Variants in LDB1 observed in about 807,000 individuals in gnomAD.
LDB1 encodes LIM domain-binding protein 1.
Under a neutral mutation model 49.7 loss-of-function variants are expected in LDB1, and 6 were observed. The ratio of observed to expected loss-of-function variants is 0.12; its 90% confidence interval spans 0.07 to 0.24. The LOEUF (loss-of-function observed/expected upper bound fraction) is 0.24. LDB1 is among the 10% of genes least tolerant of loss of function. The pLI is 1.00. For missense variants in LDB1, 341 were observed against 561.7 expected (o/e 0.61, Z 3.97); for synonymous variants, 233 against 202.0 (o/e 1.15, Z -1.30).
intron 1 of LDB1, among the ~76,000 whole-genome samples, chr10:102,118,973 C>A (rs933305154): frequency 6.6e-6 from 1 of 152,194 alleles, no homozygotes; most frequent in Non-Finnish European, 1.5e-5. Context: ...AGACATCAGC[C>A]TCAGCAGGCA....
Position 102,120,359 on chromosome 10 carries a change from CG to C in LDB1, c.-250del. The C allele has an allele frequency of 1.0e-6, 1 of 984,384 alleles. No homozygotes were observed. The highest frequency in any genetic ancestry group is 4.7e-5 in the South Asian group (1 of 21,278). The allele number at this position is 984,384 out of a possible 1,614,324, so 61.0% of individuals were successfully genotyped here. A position where few individuals can be genotyped will look rare whatever the true frequency, so the allele number is the denominator to read the frequency against. On this transcript the variant is annotated 5_prime_UTR_variant, in exon 1 of 11. Transcript: ENST00000673968. ...GTGTGTGCGCGCGGGTGTGAGTCCG[CG>C]GAGTGTGTGTCCGTGTGTGCGTGTG... is the stretch of plus-strand genomic sequence containing the variant.
At chr10:102,114,812 G>GGGCGGCC in intron 1 of LDB1, 1 of 929,816 alleles carries the variant, frequency 1.1e-6, no homozygotes, top group Non-Finnish European at 1.3e-6. Context: ...CCTCCGAGCA[G>GGGCGGCC]CCCGCCCGCC....
chr10:102,110,146 A>G, intron 6 of LDB1, 103 bp from the exon 7 acceptor site: 1 of 1,301,608 alleles, frequency 7.7e-7, no homozygotes, highest in Non-Finnish European at 1.1e-6. Context: ...CATTGCATAC[A>G]CTTTTGTCAC....
At chr10:102,114,790 T>C (rs2068310885) in intron 1 of LDB1, 1 of 976,386 alleles carries the variant, frequency 1.0e-6, no homozygotes, top group Non-Finnish European at 1.2e-6. Flanking sequence ...CCGCCGCCTC[T>C]TGCTGCCTCT....
rs2068227891 is a variant in LDB1, at chr10:102,110,027, C to T, written c.542G>A (p.Arg181Gln). 4 of 1,613,342 alleles carry T rather than the reference C, an allele frequency of 2.5e-6. No homozygotes were observed. The highest frequency in any genetic ancestry group is 2.2e-5 in the East Asian group (1 of 44,856). Residue 181 changes from arginine to glutamine, a missense_variant, in exon 7 of 11, where the codon CGG becomes CAG. Coordinates refer to ENST00000673968, the MANE Select transcript of LDB1 (RefSeq NM_001113407.3). ...GTCAAACATGAACTCCAGGTACAAC[C>T]GGCCCTCCACACACACCTGGGGACA... is the stretch of plus-strand genomic sequence containing the variant. ...PMFTQVCVEG[R>Q]LYLEFMFDDM... is the part of the protein sequence containing the mutation.
chr10:102,120,371 C>CCGTGTGTG (rs949371278), upstream of LDB1: 10 of 984,030 alleles, frequency 1.0e-5, no homozygotes, highest in African/African-American at 7.0e-5. Flanking sequence ...GAGTGTGTGT[C>CCGTGTGTG]CGTGTGTGCG....
rs889150029 is a variant in LDB1 at position 102,107,042 on chromosome 10, G to A, written c.*1051C>T. On this transcript the variant is annotated 3_prime_UTR_variant, in exon 11 of 11. Transcript: ENST00000673968. ...TATGCAGTTGGAGGGGCTGAGGGAA[G>A]ATTCTGGAGGAAAGTGGCTGAGCCC... 2.6e-5 allele frequency among the ~76,000 whole-genome samples: 4 copies of A among 152,124 alleles called. No homozygotes were observed. Among genetic ancestry groups the A allele is most frequent in the Admixed American group, 6.5e-5 (1 of 15,288 alleles).
At chr10:102,114,535 G>T in intron 1 of LDB1, 3 of 985,940 alleles carry the variant, frequency 3.0e-6, no homozygotes, top group Non-Finnish European at 3.6e-6. Flanking sequence ...GGGCAGGCCC[G>T]ACTGGGAGCT....
At chr10:102,111,708 G>A (rs952161068) in intron 1 of LDB1, among the ~76,000 whole-genome samples, 172 bp from the exon 2 acceptor site, 3 of 152,142 alleles carry the variant, frequency 2.0e-5, no homozygotes, top group Non-Finnish European at 4.4e-5. Flanking sequence ...AAAGTTGGCC[G>A]GGTGTGGTGG....
At chr10:102,111,182 G>A (rs746389081) in intron 3 of LDB1, 38 bp from the exon 4 acceptor site, 11 of 1,609,888 alleles carry the variant, frequency 6.8e-6, no homozygotes, top group Non-Finnish European at 8.5e-7. Context: ...TAGGAGCGGA[G>A]CCTGCCCCCT....
At chr10:102,115,567 T>C (rs1227475881) in intron 1 of LDB1, among the ~76,000 whole-genome samples, 1 of 152,068 alleles carries the variant, frequency 6.6e-6, no homozygotes, top group Non-Finnish European at 1.5e-5. Flanking sequence ...ATTCCAAGCC[T>C]TGACTTAGAT....
At position 102,111,535 on chromosome 10, in the gene LDB1, A is replaced by C; in HGVS notation, c.27T>G (p.Gly9=). Residue 9 remains glycine, a splice_region_variant and synonymous_variant, in exon 2 of 11, where the codon GGT becomes GGG. Coordinates refer to ENST00000673968, the MANE Select transcript of LDB1 (RefSeq NM_001113407.3). MSVGCACP[G]CSSKSFKLYS... is the part of the protein sequence containing the mutation. ...ACAGCTTGAATGACTTTGAGGAACA[A>C]CCTAGACGAGAAAGAAAGGAGTCAT... is the stretch of plus-strand genomic sequence containing the variant. 6.6e-7 allele frequency: 1 copy of C among 1,519,316 alleles called. No individual in the cohort carries two copies. Among genetic ancestry groups the C allele is most frequent in the Non-Finnish European group, 8.8e-7 (1 of 1,133,660 alleles). The allele number at this position is 1,519,316 out of a possible 1,614,324, so 94.1% of individuals were successfully genotyped here. A position where few individuals can be genotyped will look rare whatever the true frequency, so the allele number is the denominator to read the frequency against.
chr10:102,110,055 C>A lies in LDB1; in HGVS notation c.526-12G>T, dbSNP rs1241584697. 3.1e-6 allele frequency: 5 copies of A among 1,609,368 alleles called. No individual in the cohort carries two copies. The highest frequency in any genetic ancestry group is 4.2e-6 in the Non-Finnish European group (5 of 1,177,024). On this transcript the variant is annotated splice_polypyrimidine_tract_variant and intron_variant, in intron 6 of 10. Transcript: ENST00000673968. ...CCCTCCACACACACCTGGGGACAGG[C>A]TTGTCAGAACCCTGCCCCCTCCCCA...
intron 1 of LDB1, among the ~76,000 whole-genome samples, chr10:102,113,882 AC>A (rs2068293098): frequency 6.6e-6 from 1 of 151,998 alleles, no homozygotes; most frequent in Non-Finnish European, 1.5e-5. Context: ...GCCTCTATTT[AC>A]ACCTCCAGTG....
Position 102,110,457 on chromosome 10 carries a change from G to C in LDB1, c.525+72C>G. 3 of 1,468,818 alleles carry C rather than the reference G, an allele frequency of 2.0e-6. No individual in the cohort carries two copies. In the Admixed American group the frequency reaches 5.7e-5, roughly 28 times the overall value. 91.0% of individuals were successfully genotyped at this position (1,468,818 alleles called of 1,614,324 possible). A position where few individuals can be genotyped will look rare whatever the true frequency, so the allele number is the denominator to read the frequency against. ...ATGCCTCCCTGGGGAACAGCTGTGA[G>C]TATACACTGGGAGAGAGGATGGGAA... On this transcript the variant is annotated intron_variant, in intron 6 of 10. Coordinates refer to ENST00000673968, the MANE Select transcript of LDB1 (RefSeq NM_001113407.3).
intron 1 of LDB1, among the ~76,000 whole-genome samples, chr10:102,116,119 T>C (rs2133527382): frequency 6.6e-6 from 1 of 152,324 alleles, no homozygotes; most frequent in South Asian, 2.1e-4. Context: ...TCTGTGAACA[T>C]CTTCCACATA....
chr10:102,110,147 C>T, intron 6 of LDB1, 104 bp from the exon 7 acceptor site: 1 of 1,266,612 alleles, frequency 7.9e-7, no homozygotes, highest in Middle Eastern at 1.9e-4. Context: ...ATTGCATACA[C>T]TTTTGTCACC....
Position 102,107,975 on chromosome 10 carries a change from C to G in LDB1, c.*118G>C. ...CAGAGAGTCCAGTTCCTCCCTGAAG[C>G]GGGTGGATGGAGGCTGCCCATTTTA... On this transcript the variant is annotated 3_prime_UTR_variant, in exon 11 of 11. Coordinates refer to ENST00000673968, the MANE Select transcript of LDB1 (RefSeq NM_001113407.3). 3.6e-6 allele frequency: 3 copies of G among 831,202 alleles called. No homozygotes were observed. Among genetic ancestry groups the G allele is most frequent in the Admixed American group, 2.0e-5 (1 of 50,482 alleles). The allele number at this position is 831,202 out of a possible 1,614,324, so 51.5% of individuals were successfully genotyped here.
intron 10 of LDB1, 71 bp from the exon 11 acceptor site, chr10:102,108,394 C>G: frequency 1.6e-6 from 2 of 1,215,184 alleles, no homozygotes; most frequent in Non-Finnish European, 2.4e-6. Context: ...CAGATACCCC[C>G]AGAGCCCCAG....
Sources: gnomAD v4.1 joint callset for allele counts (sites outside exome capture counted in the v4.1 genomes callset) on GRCh38, gnomAD v4.1.1 for gene constraint, MANE v1.5 for transcripts, NCBI Gene and HGNC (gene_info 2026-07-23, HGNC 2026-07-21) for gene names.